Variants in MED12L observed in about 807,000 individuals in gnomAD.
MED12L encodes the protein mediator complex subunit 12L, also known as mediator of RNA polymerase II transcription subunit 12-like protein.
In MED12L, 60 loss-of-function variants were observed where a neutral mutation model predicts 281.3. The ratio of observed to expected loss-of-function variants is 0.21; its 90% CI spans 0.17 to 0.26. The LOEUF (loss-of-function observed/expected upper bound fraction) is 0.26. Ranked by LOEUF, MED12L falls within the 10% of genes least tolerant of loss-of-function variation. The pLI is 1.00. For synonymous variants in MED12L, 974 were observed against 987.2 expected, an observed-to-expected ratio of 0.99 and a Z score of 0.25; for missense variants, 2,146 against 2,680.9, an observed-to-expected ratio of 0.80 and a Z score of 4.41.
chr3:151,191,928 A>C (rs1724038365), intron 14 of MED12L, among the ~76,000 whole-genome samples: 1 of 152,124 alleles, frequency 6.6e-6, no homozygotes, highest in Admixed American at 6.6e-5. Flanking sequence ...AAAAAAAAAA[A>C]AACACCTCAC....
At chr3:151,161,454 A>C (rs532293428) in intron 8 of MED12L, among the ~76,000 whole-genome samples, 2 of 152,166 alleles carry the variant, frequency 1.3e-5, no homozygotes, top group Non-Finnish European at 2.9e-5. Context: ...GAAGGACAGG[A>C]GTGCTTAAGA....
intron 16 of MED12L, among the ~76,000 whole-genome samples, chr3:151,210,033 A>G (rs1346355329): frequency 6.6e-6 from 1 of 152,150 alleles, no homozygotes; most frequent in East Asian, 1.9e-4. Context: ...TGTGCCTTCC[A>G]TGGTGTCAAT....
At chr3:151,331,492 G>T (rs1193810046) in intron 16 of MED12L, among the ~76,000 whole-genome samples, 1 of 152,198 alleles carries the variant, frequency 6.6e-6, no homozygotes, top group East Asian at 1.9e-4. Flanking sequence ...AGAATAAAAT[G>T]AGTGAACATT....
At chr3:151,408,506 A>G (rs971809668) in intron 39 of MED12L, among the ~76,000 whole-genome samples, 3 of 152,200 alleles carry the variant, frequency 2.0e-5, no homozygotes, top group Non-Finnish European at 2.9e-5. Flanking sequence ...GTAGGAAACT[A>G]GGATTATTTT....
chr3:151,344,749 G>A (rs968640519), intron 16 of MED12L, among the ~76,000 whole-genome samples: 7 of 152,148 alleles, frequency 4.6e-5, no homozygotes, highest in Non-Finnish European at 1.0e-4. Context: ...GAAAGGAAGC[G>A]CATTCTGAGT....
At chr3:151,265,730 C>G (rs1739701639) in intron 16 of MED12L, among the ~76,000 whole-genome samples, 2 of 152,074 alleles carry the variant, frequency 1.3e-5, no homozygotes, top group South Asian at 4.1e-4. Flanking sequence ...GGATGGTGTC[C>G]CCATCTCAGC....
chr3:151,349,633 C>T (rs951986872), intron 16 of MED12L, among the ~76,000 whole-genome samples: 1 of 151,986 alleles, frequency 6.6e-6, no homozygotes, highest in Non-Finnish European at 1.5e-5. Context: ...AGATATTTTT[C>T]CCTAAATGTA....
rs1400247574 is a variant in MED12L, at chr3:151,413,650, C to CA, written c.6297+361dup. ...TTTAAAAGTGTCATAAATGTGAAAA[C>CA]AAAAAACTGAGCCATCCAGAGCTTT... is the stretch of plus-strand genomic sequence containing the variant. On this transcript the variant is annotated intron_variant, in intron 42 of 44. Coordinates refer to ENST00000687756, the MANE Select transcript of MED12L (RefSeq NM_001393769.1). Among the ~76,000 whole-genome samples the CA allele has an allele frequency of 4.6e-5, 7 of 152,174 alleles. No individual in the cohort carries two copies. The East Asian group carries it at 1.2e-3, about 25-fold the overall frequency.
rs1000530433 is a variant in MED12L at position 151,328,283 on chromosome 3, A to G, written c.2251-21776A>G. 7.4e-6 allele frequency: 12 copies of G among 1,614,010 alleles called. No individual in the cohort carries two copies. Among genetic ancestry groups the G allele is most frequent in the Non-Finnish European group, 1.0e-5 (12 of 1,179,952 alleles). On this transcript the variant is annotated intron_variant, in intron 16 of 44. Coordinates refer to ENST00000687756, the MANE Select transcript of MED12L (RefSeq NM_001393769.1). ...CACAAAGAAGACAGCCACGACAACA[A>G]ATACTTTGCCTTCCAGCTTTTTGTT...
At chr3:151,090,448 CT>C (rs1719881576) in intron 2 of MED12L, among the ~76,000 whole-genome samples, 3 of 152,208 alleles carry the variant, frequency 2.0e-5, no homozygotes, top group African/African-American at 4.8e-5. Flanking sequence ...CCATCTCCCC[CT>C]AATAGGTCAG....
At chr3:151,400,026 C>G (rs1715470598) in intron 39 of MED12L, among the ~76,000 whole-genome samples, 1 of 152,166 alleles carries the variant, frequency 6.6e-6, no homozygotes, top group South Asian at 2.1e-4. Context: ...AGTGTTTTAC[C>G]ATGTTGGCCA....
chr3:151,373,560 G>GT (rs200969717), intron 27 of MED12L, among the ~76,000 whole-genome samples: 23,320 of 145,718 alleles, frequency 0.16, 2,211 homozygotes, highest in Middle Eastern at 0.28. Flanking sequence ...CAAAATGGTG[G>GT]TTTTTTTTTT....
chr3:151,282,348 G>GTT (rs202126258), intron 16 of MED12L, among the ~76,000 whole-genome samples: 1 of 132,054 alleles, frequency 7.6e-6, no homozygotes, highest in African/African-American at 3.2e-5. Flanking sequence ...ATATAATTTA[G>GTT]TTTTTTTTTG....
At chr3:151,263,686 C>T (rs1439335987) in intron 16 of MED12L, among the ~76,000 whole-genome samples, 2 of 152,172 alleles carry the variant, frequency 1.3e-5, no homozygotes, top group African/African-American at 4.8e-5. Flanking sequence ...TGAATAAGGA[C>T]TCATCTCTAA....
At chr3:151,334,476 CA>C (rs1435786229) in intron 16 of MED12L, among the ~76,000 whole-genome samples, 1 of 151,118 alleles carries the variant, frequency 6.6e-6, no homozygotes, top group Non-Finnish European at 1.5e-5. Flanking sequence ...AGTACTGGTC[CA>C]GGGGGAAGCA....
At chr3:151,211,572 C>T (rs942306222) in intron 16 of MED12L, among the ~76,000 whole-genome samples, 5 of 152,058 alleles carry the variant, frequency 3.3e-5, no homozygotes, top group Non-Finnish European at 7.4e-5. Flanking sequence ...AAAACCTGTC[C>T]AGCTTTTCCC....
At chr3:151,174,341 CCT>C (rs1255448635) in intron 11 of MED12L, among the ~76,000 whole-genome samples, 2 of 152,146 alleles carry the variant, frequency 1.3e-5, no homozygotes, top group Non-Finnish European at 2.9e-5. Context: ...TCTCACAACT[CCT>C]CTATTTTTTT....
At chr3:151,154,547 AG>A (rs1023975109) in intron 5 of MED12L, among the ~76,000 whole-genome samples, 1 of 152,190 alleles carries the variant, frequency 6.6e-6, no homozygotes, top group African/African-American at 2.4e-5. Flanking sequence ...TAGACAAAAT[AG>A]GGGTGTATGA....
intron 33 of MED12L, among the ~76,000 whole-genome samples, chr3:151,383,517 G>T (rs1644893480): frequency 6.6e-6 from 1 of 152,162 alleles, no homozygotes; most frequent in Non-Finnish European, 1.5e-5. Flanking sequence ...TGGAACAAAA[G>T]AAAGCTAAGT....
Sources: allele counts gnomAD v4.1 joint callset (sites outside exome capture counted in the v4.1 genomes callset), GRCh38; gene constraint gnomAD v4.1.1; transcripts MANE v1.5; gene names NCBI Gene and HGNC (gene_info 2026-07-23, HGNC 2026-07-21).